Variants in CLDN11 observed in about 807,000 individuals in gnomAD.
The protein encoded by CLDN11 is claudin-11.
Under a neutral mutation model 18.0 loss-of-function variants are expected in CLDN11, and 1 was observed. That is an observed-to-expected ratio of 0.06 (90% CI 0.02 to 0.26). The LOEUF (loss-of-function observed/expected upper bound fraction) is 0.26. Among genes scored for constraint, CLDN11 ranks in the 10% least tolerant of loss-of-function variants. The probability of loss-of-function intolerance (pLI) is 1.00; values close to 1 mark genes in which losing one functional copy is unlikely to be tolerated. For synonymous variants in CLDN11, 116 were observed against 121.5 expected (o/e 0.96, Z 0.30); for missense variants, 172 against 276.6 (o/e 0.62, Z 2.68).
At chr3:170,430,089 A>G (rs1560235718) in intron 2 of CLDN11, among the ~76,000 whole-genome samples, 1 of 152,216 alleles carries the variant, frequency 6.6e-6, no homozygotes. Flanking sequence ...TTTTGCCCAC[A>G]GCAGAACGAA....
rs369693773 is a variant in CLDN11, at chr3:170,427,610, A to G, written c.391+4283A>G. ...CACTCCAGCCTGGGCAACGAGAGCAAAAATCCATCTCAAAAAAACAAAAAA... is the reference window on the plus strand; with the variant it reads ...CACTCCAGCCTGGGCAACGAGAGCAGAAATCCATCTCAAAAAAACAAAAAA... On this transcript the variant is annotated intron_variant, in intron 2 of 2. Coordinates refer to ENST00000064724, the MANE Select transcript of CLDN11 (RefSeq NM_005602.6). Among the ~76,000 whole-genome samples the G allele has an allele frequency of 7.4e-4, 111 of 150,834 alleles. 1 individual carries two copies. Among genetic ancestry groups the G allele is most frequent in the African/African-American group, 2.6e-3 (107 of 41,010 alleles).
intron 2 of CLDN11, among the ~76,000 whole-genome samples, chr3:170,424,206 G>T (rs564734328): frequency 6.6e-6 from 1 of 152,142 alleles, no homozygotes; most frequent in East Asian, 1.9e-4. Context: ...GGGACACTGG[G>T]GAAAATAGGC....
intron 2 of CLDN11, among the ~76,000 whole-genome samples, chr3:170,429,069 A>G (rs920595114): frequency 1.3e-5 from 2 of 152,238 alleles, no homozygotes; most frequent in African/African-American, 4.8e-5. Context: ...TTAAGTAATG[A>G]TTTGTCTTGA....
At chr3:170,423,099 G>T in intron 1 of CLDN11, 64 bp from the exon 2 acceptor site, 5 of 1,554,758 alleles carry the variant, frequency 3.2e-6, no homozygotes, top group East Asian at 2.2e-5. Flanking sequence ...TTCCCCTAAG[G>T]CAGGGCTCAG....
chr3:170,422,469 T>C (rs1738748092), intron 1 of CLDN11, among the ~76,000 whole-genome samples: 1 of 152,236 alleles, frequency 6.6e-6, no homozygotes, highest in South Asian at 2.1e-4. Context: ...TCACCTGGGC[T>C]GGAGTGCAGT....
Position 170,419,100 on chromosome 3 carries a change from G to A in CLDN11, c.34G>A (p.Val12Ile), listed in dbSNP as rs1479275444. 6.4e-7 allele frequency: 1 copy of A among 1,551,278 alleles called. No individual in the cohort carries two copies. The highest frequency in any genetic ancestry group is 8.7e-7 in the Non-Finnish European group (1 of 1,147,078). ...CACGTGCCTGCAGGTGGTGGGCTTC[G>A]TCACGAGCTTCGTGGGCTGGATCGG... ...VATCLQVVGF[V>I]TSFVGWIGVI... The change falls in exon 1 of 3, where the codon GTC becomes ATC. Residue 12 changes from valine (V) to isoleucine (I), a missense_variant. Physicochemically the swap from Val to Ile is conservative, Grantham distance 29. Transcript: ENST00000064724. This position sits in a 1 kb window ranked among gnomAD's most constrained non-coding sequence, Gnocchi z 8.6.
intron 2 of CLDN11, among the ~76,000 whole-genome samples, chr3:170,429,301 C>A (rs1738942214): frequency 6.6e-6 from 1 of 152,034 alleles, no homozygotes; most frequent in Admixed American, 6.6e-5. Context: ...GGAATTCCAC[C>A]CAGGGTTCAT....
Position 170,419,683 on chromosome 3 carries a change from G to T in CLDN11, c.226+391G>T, listed in dbSNP as rs1738673697. Among the ~76,000 whole-genome samples the T allele has an allele frequency of 6.6e-6, 1 of 152,214 alleles. No homozygotes were observed. The highest frequency in any genetic ancestry group is 1.5e-5 in the Non-Finnish European group (1 of 68,036). On this transcript the variant is annotated intron_variant, in intron 1 of 2. Transcript: ENST00000064724. This position sits in a 1 kb window ranked among gnomAD's most constrained non-coding sequence, Gnocchi z 8.6. ...CTCCCCCGGGGCGCCGAGCCTTCGC[G>T]TTAGGTTCCGCCCGCAGAGGTGAGA...
intron 2 of CLDN11, among the ~76,000 whole-genome samples, chr3:170,429,096 G>T (rs113317417): frequency 0.012 from 1,840 of 152,206 alleles, 49 homozygotes; most frequent in African/African-American, 0.043. Context: ...AACTTTACTG[G>T]TCAAAACATA....
At chr3:170,423,468 G>C in intron 2 of CLDN11, 141 bp downstream of exon 2, 2 of 784,532 alleles carry the variant, frequency 2.5e-6, no homozygotes, top group Non-Finnish European at 4.1e-6. Context: ...CCCACAATCT[G>C]TATCCCTTTG....
chr3:170,432,803 G>GTGT lies in CLDN11; in HGVS notation c.*47_*48insTGT, dbSNP rs1739035448. 17 of 1,577,064 alleles carry GTGT rather than the reference G, an allele frequency of 1.1e-5. No homozygotes were observed. The highest frequency in any genetic ancestry group is 1.3e-5 in the African/African-American group (1 of 74,098). ...AGAGGTGCTGTAGATGCTGGGCCCA[G>GTGT]GGCCCTAGGTTTGCTCGTCACAGTG... On this transcript the variant is annotated 3_prime_UTR_variant, in exon 3 of 3. Coordinates refer to ENST00000064724, the MANE Select transcript of CLDN11 (RefSeq NM_005602.6).
intron 2 of CLDN11, among the ~76,000 whole-genome samples, chr3:170,427,022 A>G (rs979146076): frequency 9.9e-5 from 15 of 152,092 alleles, no homozygotes; most frequent in Non-Finnish European, 1.6e-4. Context: ...GCCGTGAGCC[A>G]CCGTGCCTGG....
At chr3:170,425,091 A>G (rs1270090324) in intron 2 of CLDN11, among the ~76,000 whole-genome samples, 1 of 152,156 alleles carries the variant, frequency 6.6e-6, no homozygotes, top group Non-Finnish European at 1.5e-5. Context: ...TCTGACTCAC[A>G]GGGGCTCCCT....
At chr3:170,423,059 C>A in intron 1 of CLDN11, 104 bp from the exon 2 acceptor site, 2 of 1,286,184 alleles carry the variant, frequency 1.6e-6, no homozygotes, top group Non-Finnish European at 2.2e-6. Flanking sequence ...CTGGAATCCA[C>A]CAAGAAGGAG....
rs1005533492 is a variant in CLDN11, at chr3:170,418,945, G to A, written c.-122G>A. 2.0e-5 allele frequency: 15 copies of A among 735,016 alleles called. No homozygotes were observed. Among genetic ancestry groups the A allele is most frequent in the African/African-American group, 5.3e-5 (3 of 56,796 alleles). 45.5% of individuals were successfully genotyped at this position (735,016 alleles called of 1,614,324 possible). On this transcript the variant is annotated 5_prime_UTR_variant, in exon 1 of 3. Transcript: ENST00000064724. The surrounding 1 kb of genome is among the most constrained non-coding windows in gnomAD (Gnocchi z 4.3). ...CGCCCACCTCCACCTCCAGTGTCCC[G>A]CCTCGGGCCGTCGCCCTCCAGCGGC...
At chr3:170,426,104 C>T (rs1312820398) in intron 2 of CLDN11, among the ~76,000 whole-genome samples, 1 of 152,082 alleles carries the variant, frequency 6.6e-6, no homozygotes, top group African/African-American at 2.4e-5. Flanking sequence ...CCTCATTCGA[C>T]CAAAGAAGAT....
rs1419245717 is a variant in CLDN11 at position 170,419,192 on chromosome 3, C to T, written c.126C>T (p.Arg42=). 6.4e-7 allele frequency: 1 copy of T among 1,564,196 alleles called. No individual in the cohort carries two copies. Among genetic ancestry groups the T allele is most frequent in the Non-Finnish European group, 8.7e-7 (1 of 1,154,646 alleles). The part of the protein sequence containing the change: ...VTCGYTIPTC[R]KLDELGSKGL... Reference sequence around the variant, plus strand: ...GCGGCTACACCATCCCCACCTGCCGCAAGCTGGATGAGCTGGGCTCCAAGG... The same window carrying T: ...GCGGCTACACCATCCCCACCTGCCGTAAGCTGGATGAGCTGGGCTCCAAGG... The change falls in exon 1 of 3, where the codon CGC becomes CGT. Residue 42 remains arginine (R), a synonymous_variant. Coordinates refer to ENST00000064724, the MANE Select transcript of CLDN11 (RefSeq NM_005602.6). The surrounding 1 kb of genome is among the most constrained non-coding windows in gnomAD (Gnocchi z 8.6).
At position 170,423,269 on chromosome 3, in the gene CLDN11, G is replaced by A. The variant is rs1331632757; in HGVS notation, c.333G>A (p.Glu111=). Residue 111 remains glutamate (E), a synonymous_variant, in exon 2 of 3, where the codon GAG becomes GAA. Transcript: ENST00000064724. ...TTCCCTGCATCCGGATGGGCCAGGA[G>A]CCCGGTGTGGCTAAGTACAGGCGGG... is the stretch of plus-strand genomic sequence containing the variant. ...TVLPCIRMGQ[E]PGVAKYRRAQ... The A allele has an allele frequency of 6.2e-7, 1 of 1,614,054 alleles. No individual in the cohort carries two copies. Among genetic ancestry groups the A allele is most frequent in the African/African-American group, 1.3e-5 (1 of 74,916 alleles).
At position 170,427,342 on chromosome 3, in the gene CLDN11, C is replaced by G. The variant is rs148792385; in HGVS notation, c.391+4015C>G. Among the ~76,000 whole-genome samples the G allele has an allele frequency of 1.9e-3, 283 of 152,292 alleles. 2 individuals are homozygous for G. The highest frequency in any genetic ancestry group is 6.6e-3 in the African/African-American group (275 of 41,564). ...GATGCTTTTAAAAGTTCTTTCAGGG[C>G]TGGACGTGGTGGCTCACACCTGTAA... On this transcript the variant is annotated intron_variant, in intron 2 of 2. Transcript: ENST00000064724.
Sources: gnomAD v4.1 joint callset for allele counts (sites outside exome capture counted in the v4.1 genomes callset) on GRCh38, gnomAD v4.1.1 for gene constraint, Gnocchi (gnomAD v3.1) non-coding constraint, MANE v1.5 for transcripts, NCBI Gene and HGNC (gene_info 2026-07-23, HGNC 2026-07-21) for gene names.